The following BLNK variants were observed in gnomAD, a reference collection of about 807,000 sequenced individuals.
The protein encoded by BLNK is B-cell linker protein.
Under a neutral mutation model 73.5 loss-of-function variants are expected in BLNK, and 29 were observed. The observed-to-expected ratio is 0.39, with a 90% confidence interval of 0.29 to 0.54. The LOEUF (loss-of-function observed/expected upper bound fraction) is 0.54, where lower values mean the gene tolerates loss of function less well. BLNK is among the 20% of genes least tolerant of loss of function. BLNK has a pLI of 0.61. For synonymous variants in BLNK, 176 were observed against 200.8 expected (o/e 0.88, Z 1.04); for missense variants, 460 against 562.8 (o/e 0.82, Z 1.85).
intron 2 of BLNK, among the ~76,000 whole-genome samples, chr10:96,243,953 A>T (rs1191058661): frequency 6.6e-6 from 1 of 152,178 alleles, no homozygotes; most frequent in Non-Finnish European, 1.5e-5. Flanking sequence ...CTTCTATAGA[A>T]GCAGTATAAC....
At chr10:96,235,150 G>A (rs1327716149) in intron 3 of BLNK, among the ~76,000 whole-genome samples, 1 of 152,216 alleles carries the variant, frequency 6.6e-6, no homozygotes, top group African/African-American at 2.4e-5. Flanking sequence ...TTAAGCTCTG[G>A]GGTCAGACTG....
intron 4 of BLNK, among the ~76,000 whole-genome samples, chr10:96,227,794 G>A (rs1554902959): frequency 1.3e-5 from 2 of 152,198 alleles, no homozygotes; most frequent in African/African-American, 4.8e-5. Context: ...GGGGACACAG[G>A]AACTACTTAA....
chr10:96,242,063 C>G (rs782481259), intron 3 of BLNK, among the ~76,000 whole-genome samples: 35 of 152,088 alleles, frequency 2.3e-4, no homozygotes, highest in South Asian at 6.2e-4. Context: ...TTCTGTGTAC[C>G]CCCCCAAATC....
intron 1 of BLNK, among the ~76,000 whole-genome samples, chr10:96,248,626 A>G (rs1423703148): frequency 6.6e-6 from 1 of 152,248 alleles, no homozygotes; most frequent in Non-Finnish European, 1.5e-5. Context: ...CAGTATATAC[A>G]TATAAGCATG....
intron 1 of BLNK, among the ~76,000 whole-genome samples, chr10:96,262,158 C>T (rs1355936486): frequency 1.3e-5 from 2 of 152,170 alleles, no homozygotes; most frequent in Non-Finnish European, 2.9e-5. Context: ...GCTCTCTGCC[C>T]CCTTGGTCTG....
chr10:96,218,468 A>C (rs368368945), intron 6 of BLNK, among the ~76,000 whole-genome samples: 2 of 152,160 alleles, frequency 1.3e-5, no homozygotes, highest in South Asian at 4.1e-4. Flanking sequence ...AGGCAGGTGG[A>C]TAGATAAGAG....
chr10:96,227,193 A>G (rs1284678750), intron 5 of BLNK, among the ~76,000 whole-genome samples: 1 of 152,182 alleles, frequency 6.6e-6, no homozygotes, highest in Non-Finnish European at 1.5e-5. Flanking sequence ...AATGTTCCCA[A>G]TCTAGGAAAG....
chr10:96,193,053 A>T (rs936225948), intron 16 of BLNK, among the ~76,000 whole-genome samples: 17 of 152,236 alleles, frequency 1.1e-4, no homozygotes, highest in Admixed American at 1.1e-3. Context: ...AATATTCAGA[A>T]TATTGGCCAA....
At chr10:96,224,756 G>T (rs1286538279) in intron 5 of BLNK, among the ~76,000 whole-genome samples, 2 of 152,104 alleles carry the variant, frequency 1.3e-5, no homozygotes, top group South Asian at 4.1e-4. Context: ...GGAGTGCAGT[G>T]GCATGATCTC....
intron 10 of BLNK, among the ~76,000 whole-genome samples, chr10:96,207,356 A>T (rs1455199702): frequency 6.6e-6 from 1 of 152,196 alleles, no homozygotes; most frequent in Non-Finnish European, 1.5e-5. Context: ...ACCCATGTAC[A>T]GCAGGCATCT....
intron 6 of BLNK, among the ~76,000 whole-genome samples, chr10:96,218,884 C>T (rs2084129109): frequency 6.6e-6 from 1 of 152,224 alleles, no homozygotes; most frequent in Non-Finnish European, 1.5e-5. Flanking sequence ...GAGAGTTCTA[C>T]TCACACATCT....
intron 3 of BLNK, among the ~76,000 whole-genome samples, chr10:96,233,888 TCAAA>T (rs1842600799): frequency 6.6e-6 from 1 of 152,240 alleles, no homozygotes; most frequent in Non-Finnish European, 1.5e-5. Flanking sequence ...AATAAATGAC[TCAAA>T]CAAAGGAACA....
At chr10:96,257,078 G>A (rs1288765029) in intron 1 of BLNK, among the ~76,000 whole-genome samples, 1 of 152,126 alleles carries the variant, frequency 6.6e-6, no homozygotes, top group Non-Finnish European at 1.5e-5. Flanking sequence ...CCAGGTATCA[G>A]GAACAGCAAG....
intron 1 of BLNK, among the ~76,000 whole-genome samples, chr10:96,250,445 A>AGAGAGAGAGAGG (rs1554908864): frequency 8.9e-6 from 1 of 112,442 alleles, no homozygotes; most frequent in Non-Finnish European, 2.1e-5. Context: ...AGGAAGAGAG[A>AGAGAGAGAGAGG]AAGAGAGAGA....
intron 16 of BLNK, among the ~76,000 whole-genome samples, chr10:96,194,064 T>C (rs1051443269): frequency 6.6e-6 from 1 of 152,172 alleles, no homozygotes; most frequent in African/African-American, 2.4e-5. Flanking sequence ...GTCTATTCAT[T>C]CTAAAGTGGA....
intron 1 of BLNK, among the ~76,000 whole-genome samples, chr10:96,263,660 AAGG>A (rs1398503208): frequency 6.6e-6 from 1 of 152,156 alleles, no homozygotes; most frequent in Non-Finnish European, 1.5e-5. Flanking sequence ...GTGGTGAAAT[AAGG>A]AGGAGGAGGG....
chr10:96,257,964 A>G (rs1843589360), intron 1 of BLNK, among the ~76,000 whole-genome samples: 1 of 152,164 alleles, frequency 6.6e-6, no homozygotes, highest in Non-Finnish European at 1.5e-5. Flanking sequence ...TTAAAGCTGA[A>G]GTTTTCAGCC....
At chr10:96,230,918 G>T in intron 3 of BLNK, 84 bp from the exon 4 acceptor site, 1 of 1,429,592 alleles carries the variant, frequency 7.0e-7, no homozygotes, top group Non-Finnish European at 9.7e-7. Context: ...TTTCGCACCT[G>T]CCTTCCCTTC....
chr10:96,223,768 G>C, intron 6 of BLNK, 58 bp downstream of exon 6: 3 of 1,597,490 alleles, frequency 1.9e-6, no homozygotes, highest in Non-Finnish European at 2.6e-6. Flanking sequence ...GGCTGTCCTG[G>C]TCGCTTGCCC....
Sources: gnomAD v4.1 joint callset for allele counts (sites outside exome capture counted in the v4.1 genomes callset) on GRCh38, gnomAD v4.1.1 for gene constraint, MANE v1.5 for transcripts, NCBI Gene and HGNC (gene_info 2026-07-23, HGNC 2026-07-21) for gene names.